Variants in PHEX observed in about 807,000 individuals in gnomAD.
PHEX encodes the protein phosphate regulating endopeptidase X-linked.
PHEX carries 16 observed loss-of-function variants against 68.0 expected under a neutral mutation model. That is an observed-to-expected ratio of 0.24 (90% CI 0.16 to 0.36). The LOEUF is 0.36. Ranked by LOEUF, PHEX falls within the 10% of genes least tolerant of loss-of-function variation. The pLI is 1.00. For synonymous variants in PHEX, 208 were observed against 205.1 expected, an observed-to-expected ratio of 1.01 and a Z score of -0.12; for missense variants, 480 against 575.5, an observed-to-expected ratio of 0.83 and a Z score of 1.70.
At chrX:22,246,105 C>A (rs1465361172) in intron 21 of PHEX, among the ~76,000 whole-genome samples, 4 of 110,873 alleles carry the variant, frequency 3.6e-5, no homozygotes, top group Non-Finnish European at 7.6e-5. Flanking sequence ...GTAGCTTATA[C>A]AAAAAAGGAA....
intron 15 of PHEX, among the ~76,000 whole-genome samples, chrX:22,191,136 C>T (rs1306265156): frequency 1.1e-4 from 12 of 111,741 alleles, no homozygotes; most frequent in Non-Finnish European, 5.6e-5. Context: ...TCTTGTGCCT[C>T]AGCCTCCTGA....
rs999350483 is a variant in PHEX, at chrX:22,033,554, T to C, written c.118+431T>C. On this transcript the variant is annotated intron_variant, in intron 1 of 21. Transcript: ENST00000379374. Reference sequence around the variant, plus strand: ...TTTTATTAATGTTTGCTTGAACGAATCATGAAATTTAATTCACAAAACACA... The same window carrying C: ...TTTTATTAATGTTTGCTTGAACGAACCATGAAATTTAATTCACAAAACACA... Among the ~76,000 whole-genome samples the C allele has an allele frequency of 8.0e-5, 9 of 112,611 alleles. 1 individual carries two copies. Among genetic ancestry groups the C allele is most frequent in the African/African-American group, 2.9e-4 (9 of 31,012 alleles).
chrX:22,154,998 G>A (rs867489316), intron 12 of PHEX, among the ~76,000 whole-genome samples: 14 of 112,355 alleles, frequency 1.2e-4, no homozygotes, highest in Admixed American at 1.9e-4. Context: ...TGCAACCTCC[G>A]CCTCCCGCAT....
intron 5 of PHEX, among the ~76,000 whole-genome samples, chrX:22,084,758 C>A (rs1929552522): frequency 9.1e-6 from 1 of 110,267 alleles, no homozygotes; most frequent in Non-Finnish European, 1.9e-5. Context: ...GGAATTTATT[C>A]ATTTCTTCTA....
chrX:22,089,690 G>T (rs765421582), intron 5 of PHEX, among the ~76,000 whole-genome samples: 1 of 111,181 alleles, frequency 9.0e-6, no homozygotes, highest in East Asian at 2.8e-4. Context: ...CAAAGTGCTG[G>T]GATTACAGGT....
chrX:22,061,876 T>C (rs1289395122), intron 3 of PHEX, among the ~76,000 whole-genome samples: 1 of 111,769 alleles, frequency 8.9e-6, no homozygotes, highest in Non-Finnish European at 1.9e-5. Flanking sequence ...TACCTGTGAC[T>C]GGGTAACTTG....
chrX:22,056,796 T>C, intron 3 of PHEX, among the ~76,000 whole-genome samples: 1 of 104,730 alleles, frequency 9.5e-6, no homozygotes. Context: ...ATAATAATAA[T>C]AATAATAATG....
At chrX:22,038,795 C>T (rs1037389305) in intron 2 of PHEX, among the ~76,000 whole-genome samples, 11 of 111,707 alleles carry the variant, frequency 9.8e-5, no homozygotes, top group African/African-American at 3.6e-4. Context: ...GCTTGGAAGG[C>T]TGAATGGCCT....
At chrX:22,113,689 T>G (rs1194251324) in intron 10 of PHEX, among the ~76,000 whole-genome samples, 1 of 111,001 alleles carries the variant, frequency 9.0e-6, no homozygotes, top group Non-Finnish European at 1.9e-5. Context: ...CCTTGTTGAG[T>G]GTGCTACTCG....
intron 11 of PHEX, among the ~76,000 whole-genome samples, chrX:22,120,466 A>G (rs1931439395): frequency 8.9e-6 from 1 of 111,868 alleles, no homozygotes; most frequent in African/African-American, 3.2e-5. Flanking sequence ...CATACATTTC[A>G]TATTTTTTAA....
chrX:22,159,113 C>A (rs1404653669), intron 12 of PHEX, among the ~76,000 whole-genome samples: 2 of 113,350 alleles, frequency 1.8e-5, no homozygotes, highest in Non-Finnish European at 3.7e-5. Flanking sequence ...GCCGTGCGTG[C>A]ACGTGCACAC....
At chrX:22,234,985 G>A (rs1023123372) in intron 20 of PHEX, among the ~76,000 whole-genome samples, 5 of 111,941 alleles carry the variant, frequency 4.5e-5, no homozygotes, top group Non-Finnish European at 1.9e-5. Flanking sequence ...ATCTCCTCCT[G>A]TTCTGCAGGT....
At chrX:22,089,655 A>G (rs1234920403) in intron 5 of PHEX, among the ~76,000 whole-genome samples, 1 of 110,216 alleles carries the variant, frequency 9.1e-6, no homozygotes, top group Admixed American at 9.6e-5. Context: ...TCCTGACCTC[A>G]AGTGACCCAC....
At chrX:22,140,241 C>G (rs1283196793) in intron 12 of PHEX, among the ~76,000 whole-genome samples, 1 of 110,465 alleles carries the variant, frequency 9.1e-6, no homozygotes, top group Non-Finnish European at 1.9e-5. Flanking sequence ...CACCATTTCT[C>G]GCAGGTGGGT....
chrX:22,162,232 C>G (rs752668860), intron 12 of PHEX, among the ~76,000 whole-genome samples: 208 of 112,143 alleles, frequency 1.9e-3, no homozygotes, highest in Non-Finnish European at 3.5e-3. Flanking sequence ...CAGAGTCTGG[C>G]TTTGCTAGGA....
At chrX:22,194,839 G>GTGAA (rs369069264) in intron 15 of PHEX, among the ~76,000 whole-genome samples, 3,604 of 112,228 alleles carry the variant, frequency 0.032, 162 homozygotes, top group African/African-American at 0.11. Context: ...GGCATGTAGT[G>GTGAA]TGAAATTATA....
intron 12 of PHEX, among the ~76,000 whole-genome samples, chrX:22,148,075 A>G (rs1294432109): frequency 9.0e-6 from 1 of 111,224 alleles, no homozygotes; most frequent in Non-Finnish European, 1.9e-5. Context: ...TAAAACAAGT[A>G]TTTTATTATT....
intron 11 of PHEX, among the ~76,000 whole-genome samples, chrX:22,128,727 A>G (rs186091266): frequency 9.0e-6 from 1 of 110,816 alleles, no homozygotes; most frequent in Admixed American, 9.7e-5. Context: ...TTTATTATTT[A>G]TTGGGTGCTT....
At chrX:22,235,493 C>T (rs1935942382) in intron 20 of PHEX, among the ~76,000 whole-genome samples, 1 of 111,146 alleles carries the variant, frequency 9.0e-6, no homozygotes, top group South Asian at 3.9e-4. Context: ...TTGGTGAGGG[C>T]TTTCTTCTGG....
Sources: gnomAD v4.1 joint callset for allele counts (sites outside exome capture counted in the v4.1 genomes callset) on GRCh38, gnomAD v4.1.1 for gene constraint, MANE v1.5 for transcripts, NCBI Gene and HGNC (gene_info 2026-07-23, HGNC 2026-07-21) for gene names.